CSMD1: variants seen among roughly 807,000 people sequenced by gnomAD.
CSMD1 encodes CUB and sushi domain-containing protein 1.
In CSMD1, 213 loss-of-function variants were observed where a neutral mutation model predicts 417.5. The ratio of observed to expected loss-of-function variants is 0.51; its 90% confidence interval spans 0.46 to 0.57. CSMD1 has a LOEUF of 0.57. CSMD1 is among the 20% of genes least tolerant of loss of function. The probability of loss-of-function intolerance (pLI) is 0.00; values close to 1 mark genes in which losing one functional copy is unlikely to be tolerated. For missense variants in CSMD1, 6,923 were observed against 4,529.7 expected, an observed-to-expected ratio of 1.53 and a Z score of -15.17; for synonymous variants, 2,862 against 1,736.8, an observed-to-expected ratio of 1.65 and a Z score of -16.11.
chr8:4,241,094 T>G (rs903690745), intron 3 of CSMD1, among the ~76,000 whole-genome samples: 1 of 152,164 alleles, frequency 6.6e-6, no homozygotes, highest in Admixed American at 6.6e-5. Context: ...ATCCTCTACA[T>G]AGAATCCTCT....
intron 2 of CSMD1, among the ~76,000 whole-genome samples, chr8:4,548,645 A>T (rs933969557): frequency 6.6e-6 from 1 of 152,200 alleles, no homozygotes; most frequent in African/African-American, 2.4e-5. Flanking sequence ...GAATGATTTC[A>T]AAAATCATCA....
At chr8:3,886,295 T>A (rs915165687) in intron 5 of CSMD1, among the ~76,000 whole-genome samples, 2 of 152,204 alleles carry the variant, frequency 1.3e-5, no homozygotes, top group Non-Finnish European at 2.9e-5. Context: ...GTAATCCGAC[T>A]GCCTCAGCCT....
chr8:3,695,466 A>T (rs1451934314), intron 7 of CSMD1, among the ~76,000 whole-genome samples: 1 of 152,184 alleles, frequency 6.6e-6, no homozygotes, highest in Admixed American at 6.5e-5. Context: ...AATCATGAGA[A>T]ATACAAATCT....
chr8:3,080,769 G>A (rs776621368), intron 49 of CSMD1, among the ~76,000 whole-genome samples: 1 of 152,146 alleles, frequency 6.6e-6, no homozygotes, highest in East Asian at 1.9e-4. Flanking sequence ...CTGGGACGTA[G>A]ATATCAAAAT....
At chr8:4,194,720 T>G (rs73658465) in intron 3 of CSMD1, among the ~76,000 whole-genome samples, 4,382 of 152,164 alleles carry the variant, frequency 0.029, 246 homozygotes, top group African/African-American at 0.1. Context: ...TTCTTCAAAT[T>G]ATGCTTAACA....
chr8:4,330,976 T>C (rs984491991), intron 3 of CSMD1, among the ~76,000 whole-genome samples: 5 of 152,142 alleles, frequency 3.3e-5, no homozygotes, highest in African/African-American at 4.8e-5. Context: ...CCCCCCGACA[T>C]ATACAGCCGC....
In CSMD1 at chr8:4,470,670, G is replaced by A. The variant is rs537987829; in HGVS notation, c.303-50605C>T. ...CAGTGAGATTTCTAAACGGCCATTAGTGCTTTTTGAAAAAGAATGGTACGA... is the reference window on the plus strand; with the variant it reads ...CAGTGAGATTTCTAAACGGCCATTAATGCTTTTTGAAAAAGAATGGTACGA... On this transcript the variant is annotated intron_variant, in intron 2 of 69. Transcript: ENST00000635120. 2.8e-4 allele frequency among the ~76,000 whole-genome samples: 43 copies of A among 152,254 alleles called. No individual in the cohort carries two copies. In the South Asian group the frequency reaches 8.7e-3, roughly 31 times the overall value.
intron 1 of CSMD1, among the ~76,000 whole-genome samples, chr8:4,937,314 A>G (rs938762435): frequency 6.6e-6 from 1 of 152,226 alleles, no homozygotes; most frequent in Non-Finnish European, 1.5e-5. Flanking sequence ...GGACTCTACA[A>G]GTTACTTTCC....
At chr8:4,571,695 G>A (rs1332780276) in intron 2 of CSMD1, among the ~76,000 whole-genome samples, 1 of 152,114 alleles carries the variant, frequency 6.6e-6, no homozygotes, top group African/African-American at 2.4e-5. Context: ...TTAATTTTCT[G>A]TCTCTTTGAT....
At chr8:4,118,224 C>G (rs1032658389) in intron 3 of CSMD1, among the ~76,000 whole-genome samples, 1 of 152,036 alleles carries the variant, frequency 6.6e-6, no homozygotes, top group Non-Finnish European at 1.5e-5. Flanking sequence ...AAATTTTTAG[C>G]ACATGCTTTG....
intron 43 of CSMD1, among the ~76,000 whole-genome samples, chr8:3,109,250 C>A (rs1816347329): frequency 6.6e-6 from 1 of 152,120 alleles, no homozygotes; most frequent in African/African-American, 2.4e-5. Flanking sequence ...TGCGACAGGG[C>A]AAGACTCTGT....
At chr8:3,867,860 G>A (rs182597560) in intron 5 of CSMD1, among the ~76,000 whole-genome samples, 1 of 152,092 alleles carries the variant, frequency 6.6e-6, no homozygotes, top group South Asian at 2.1e-4. Flanking sequence ...AAGAAGCATG[G>A]ACCACTGGCC....
chr8:4,477,180 C>A (rs564518123), intron 2 of CSMD1, among the ~76,000 whole-genome samples: 1 of 152,302 alleles, frequency 6.6e-6, no homozygotes, highest in African/African-American at 2.4e-5. Context: ...TGTCTTCCTG[C>A]GCAGACACCT....
chr8:3,892,085 T>C (rs934306309), intron 5 of CSMD1, among the ~76,000 whole-genome samples: 1 of 152,166 alleles, frequency 6.6e-6, no homozygotes, highest in African/African-American at 2.4e-5. Flanking sequence ...TGTGTGCTTT[T>C]CAAAGTTTCC....
intron 1 of CSMD1, among the ~76,000 whole-genome samples, chr8:4,814,369 C>T (rs1210176240): frequency 6.6e-6 from 1 of 152,136 alleles, no homozygotes; most frequent in East Asian, 1.9e-4. Context: ...CCTCAGTCTC[C>T]CGAGTAGCTG....
At chr8:4,436,660 C>A (rs1036665907) in intron 2 of CSMD1, among the ~76,000 whole-genome samples, 3 of 152,076 alleles carry the variant, frequency 2.0e-5, no homozygotes, top group Non-Finnish European at 2.9e-5. Context: ...ATCACCACCT[C>A]CTTCCTTCAC....
chr8:4,006,822 T>A (rs1361219743), intron 4 of CSMD1, among the ~76,000 whole-genome samples: 1 of 97,402 alleles, frequency 1.0e-5, no homozygotes, highest in Non-Finnish European at 2.0e-5. Context: ...GGACTTTTCC[T>A]ATTTTTTTTT....
chr8:4,276,915 G>C (rs1051477513), intron 3 of CSMD1, among the ~76,000 whole-genome samples: 3 of 152,066 alleles, frequency 2.0e-5, no homozygotes, highest in African/African-American at 4.8e-5. Flanking sequence ...TAGAGTACTG[G>C]AATTCATTTC....
chr8:3,536,617 G>A (rs1287782700), intron 10 of CSMD1, among the ~76,000 whole-genome samples: 3 of 152,196 alleles, frequency 2.0e-5, no homozygotes, highest in African/African-American at 7.2e-5. Context: ...AACAGAAACG[G>A]TAATTCAGAA....
Sources: allele counts gnomAD v4.1 joint callset (sites outside exome capture counted in the v4.1 genomes callset), GRCh38; gene constraint gnomAD v4.1.1; transcripts MANE v1.5; gene names NCBI Gene and HGNC (gene_info 2026-07-23, HGNC 2026-07-21).